The following KCNQ1 variants were observed in gnomAD, a reference collection of about 807,000 sequenced individuals.
KCNQ1 encodes potassium voltage-gated channel subfamily Q member 1.
Under a neutral mutation model 72.4 loss-of-function variants are expected in KCNQ1, and 49 were observed. That is an observed-to-expected ratio of 0.68 (90% CI 0.54 to 0.86). The LOEUF is 0.86. KCNQ1 is among the 40% of genes least tolerant of loss of function. The pLI, the probability that KCNQ1 is intolerant of heterozygous loss-of-function variation, is 0.00. For missense variants in KCNQ1, 790 were observed against 945.1 expected, an observed-to-expected ratio of 0.84 and a Z score of 2.15; for synonymous variants, 450 against 412.6, an observed-to-expected ratio of 1.09 and a Z score of -1.10.
rs568306051 is a variant in KCNQ1, at chr11:2,665,384, AC to A, written c.1514+3307del. On this transcript the variant is annotated intron_variant, in intron 11 of 15. Transcript: ENST00000155840. ...ACCCCCATGACAAGAGGAGCCCTGT[AC>A]CCCAAGAGCCAGGATGAGTTCCTGG... is the stretch of plus-strand genomic sequence containing the variant. 1.5e-3 allele frequency: 610 copies of A among 397,932 alleles called. 1 individual carries two copies. Among genetic ancestry groups the A allele is most frequent in the Non-Finnish European group, 2.0e-3 (441 of 225,946 alleles). 24.7% of individuals were successfully genotyped at this position (397,932 alleles called of 1,614,324 possible). A position where few individuals can be genotyped will look rare whatever the true frequency, so the allele number is the denominator to read the frequency against.
At chr11:2,760,967 T>C (rs1441583183) in intron 11 of KCNQ1, among the ~76,000 whole-genome samples, 1 of 152,212 alleles carries the variant, frequency 6.6e-6, no homozygotes, top group Non-Finnish European at 1.5e-5. Context: ...TAGCCGTCCA[T>C]AGACAGCTTG....
At chr11:2,499,520 A>ACCT (rs1846974377) in intron 1 of KCNQ1, among the ~76,000 whole-genome samples, 1 of 131,380 alleles carries the variant, frequency 7.6e-6, no homozygotes, top group African/African-American at 2.6e-5. Flanking sequence ...GGTTGAATGG[A>ACCT]CCCCTGCCCC....
At chr11:2,776,388 C>T (rs1846702556) in intron 13 of KCNQ1, among the ~76,000 whole-genome samples, 1 of 152,164 alleles carries the variant, frequency 6.6e-6, no homozygotes, top group South Asian at 2.1e-4. Context: ...CCCACAACTT[C>T]AGGACACTCG....
chr11:2,777,732 A>T (rs1846735679), intron 14 of KCNQ1: 2 of 608,664 alleles, frequency 3.3e-6, no homozygotes, highest in Non-Finnish European at 5.9e-6. Flanking sequence ...TAGGGCTCTC[A>T]GAGGTCAGAG....
chr11:2,463,801 A>T lies in KCNQ1; in HGVS notation c.386+18317A>T, dbSNP rs1380885823. Among the ~76,000 whole-genome samples the T allele has an allele frequency of 6.6e-6, 1 of 152,224 alleles. No homozygotes were observed. Among genetic ancestry groups the T allele is most frequent in the East Asian group, 1.9e-4 (1 of 5,194 alleles). On this transcript the variant is annotated intron_variant, in intron 1 of 15. Transcript: ENST00000155840. This position sits in a 1 kb window ranked among gnomAD's most constrained non-coding sequence, Gnocchi z 7.0. Reference sequence around the variant, plus strand: ...TGCCCTGCGAGGGGGTCAGCCCTGAAGCCGGATGGCCCGGCCCCCGCTACC... The same window carrying T: ...TGCCCTGCGAGGGGGTCAGCCCTGATGCCGGATGGCCCGGCCCCCGCTACC...
In KCNQ1 at chr11:2,620,989, G is replaced by GTTT. The variant is rs1473524091; in HGVS notation, c.1393+32139_1393+32141dup. ...TTTTTGCTTTTTTGTTTGTTTGTTT[G>GTTT]TTTTTTGAGAAAGAGTCTTGCTCTG... On this transcript the variant is annotated intron_variant, in intron 10 of 15. Coordinates refer to ENST00000155840, the MANE Select transcript of KCNQ1 (RefSeq NM_000218.3). This position sits in a 1 kb window ranked among gnomAD's most constrained non-coding sequence, Gnocchi z 4.5. The GTTT allele has an allele frequency of 5.2e-6, 2 of 387,038 alleles. No individual in the cohort carries two copies. Among genetic ancestry groups the GTTT allele is most frequent in the Non-Finnish European group, 9.0e-6 (2 of 221,664 alleles). 24.0% of individuals were successfully genotyped at this position (387,038 alleles called of 1,614,324 possible).
intron 10 of KCNQ1, among the ~76,000 whole-genome samples, chr11:2,605,855 C>A (rs993771795): frequency 6.6e-6 from 1 of 152,166 alleles, no homozygotes; most frequent in African/African-American, 2.4e-5. Flanking sequence ...GTTTGTAGAT[C>A]AGCACGATTC....
At chr11:2,460,643 C>A (rs911861511) in intron 1 of KCNQ1, among the ~76,000 whole-genome samples, 1 of 152,218 alleles carries the variant, frequency 6.6e-6, no homozygotes, top group Admixed American at 6.5e-5. Flanking sequence ...TTTGCATGGG[C>A]CCCTTTGCCA....
intron 1 of KCNQ1, among the ~76,000 whole-genome samples, chr11:2,512,174 G>A (rs1027550468): frequency 6.6e-6 from 1 of 152,170 alleles, no homozygotes; most frequent in Admixed American, 6.5e-5. Context: ...TGGGCCATAA[G>A]CTCGCTGAGC....
rs1156282188 is a variant in KCNQ1, at chr11:2,497,900, C to G, written c.387-30028C>G. ...TGTTGATTTTGTTGCTTTCTGTTTG[C>G]TAGCTTTTCTTCTAAGAGTCAAGCC... is the stretch of plus-strand genomic sequence containing the variant. On this transcript the variant is annotated intron_variant, in intron 1 of 15. Coordinates refer to ENST00000155840, the MANE Select transcript of KCNQ1 (RefSeq NM_000218.3). The surrounding 1 kb of genome is among the most constrained non-coding windows in gnomAD (Gnocchi z 4.5). 6.6e-6 allele frequency among the ~76,000 whole-genome samples: 1 copy of G among 152,142 alleles called. No individual in the cohort carries two copies. The highest frequency in any genetic ancestry group is 2.4e-5 in the African/African-American group (1 of 41,428).
At chr11:2,820,736 C>A (rs527267749) in intron 15 of KCNQ1, among the ~76,000 whole-genome samples, 1 of 152,204 alleles carries the variant, frequency 6.6e-6, no homozygotes, top group Non-Finnish European at 1.5e-5. Context: ...GCACATGTGT[C>A]CTCTCCTTAC....
In KCNQ1 at chr11:2,690,644, T is replaced by A. The variant is rs553233404; in HGVS notation, c.1514+28563T>A. ...TCATATATGTGTCAGAATGCGTATT[T>A]GTCAGTGTATGTGTGTCAGTGCACA... On this transcript the variant is annotated intron_variant, in intron 11 of 15. Transcript: ENST00000155840. This position sits in a 1 kb window ranked among gnomAD's most constrained non-coding sequence, Gnocchi z 5.1. The A allele has an allele frequency of 7.3e-5, 29 of 398,648 alleles. No homozygotes were observed. The highest frequency in any genetic ancestry group is 1.2e-4 in the Non-Finnish European group (27 of 226,076). 24.7% of individuals were successfully genotyped at this position (398,648 alleles called of 1,614,324 possible).
rs1488809295 is a variant in KCNQ1, at chr11:2,847,930, T to A, written c.1958T>A (p.Phe653Tyr). 6.3e-7 allele frequency: 1 copy of A among 1,575,470 alleles called. No homozygotes were observed. The highest frequency in any genetic ancestry group is 1.2e-5 in the South Asian group (1 of 86,308). ...GGCGGCTCCGTCGACCCTGAGCTCT[T>A]CCTGCCCAGCAACACCCTGCCCACC... ...GSGGSVDPEL[F>Y]LPSNTLPTYE... is the part of the protein sequence containing the mutation. The change falls in exon 16 of 16, where the codon TTC (phenylalanine) becomes TAC (tyrosine). Residue 653 changes from phenylalanine to tyrosine, a missense_variant. By Grantham distance (22) the Phe-to-Tyr change is conservative (BLOSUM62 3). Coordinates refer to ENST00000155840, the MANE Select transcript of KCNQ1 (RefSeq NM_000218.3).
rs1846115819 is a variant in KCNQ1, at chr11:2,451,270, G to A, written c.386+5786G>A. On this transcript the variant is annotated intron_variant, in intron 1 of 15. Transcript: ENST00000155840. This position sits in a 1 kb window ranked among gnomAD's most constrained non-coding sequence, Gnocchi z 6.4. ...ATCAGGTATTAGATTCTCATAAGAA[G>A]CGTGCAACCTAGATCCCTTGTGTGC... Among the ~76,000 whole-genome samples, 1 of 152,186 alleles carries A rather than the reference G, an allele frequency of 6.6e-6. No individual in the cohort carries two copies. The highest frequency in any genetic ancestry group is 2.1e-4 in the South Asian group (1 of 4,830).
In KCNQ1 at chr11:2,473,849, C is replaced by T. The variant is rs1002748953; in HGVS notation, c.386+28365C>T. 4.6e-5 allele frequency among the ~76,000 whole-genome samples: 7 copies of T among 152,198 alleles called. No homozygotes were observed. The highest frequency in any genetic ancestry group is 7.4e-5 in the Non-Finnish European group (5 of 68,012). ...CAGTGGCACCAGCTGGGCAGACAGCCGCATGCGCTCACCACTCGCCCTCCA... is the reference window on the plus strand; with the variant it reads ...CAGTGGCACCAGCTGGGCAGACAGCTGCATGCGCTCACCACTCGCCCTCCA... On this transcript the variant is annotated intron_variant, in intron 1 of 15. Coordinates refer to ENST00000155840, the MANE Select transcript of KCNQ1 (RefSeq NM_000218.3). The surrounding 1 kb of genome is among the most constrained non-coding windows in gnomAD (Gnocchi z 6.0).
chr11:2,768,163 C>T lies in KCNQ1; in HGVS notation c.1515-681C>T, dbSNP rs1846529625. ...GAAAGTCAGGCAGGCGTTAGCTTCA[C>T]TGCCAGGAGGGAATCTCCTGTGGCC... On this transcript the variant is annotated intron_variant, in intron 11 of 15. Coordinates refer to ENST00000155840, the MANE Select transcript of KCNQ1 (RefSeq NM_000218.3). The surrounding 1 kb of genome is among the most constrained non-coding windows in gnomAD (Gnocchi z 6.7). Among the ~76,000 whole-genome samples the T allele has an allele frequency of 6.6e-6, 1 of 152,278 alleles. No homozygotes were observed. Among genetic ancestry groups the T allele is most frequent in the Non-Finnish European group, 1.5e-5 (1 of 68,050 alleles).
chr11:2,619,466 T>C (rs971314932), intron 10 of KCNQ1: 2 of 398,526 alleles, frequency 5.0e-6, no homozygotes, highest in Non-Finnish European at 8.8e-6. Context: ...TAGTATCACA[T>C]TGATTGCTAC....
chr11:2,775,888 C>T (rs1197530411), intron 12 of KCNQ1, 72 bp from the exon 13 acceptor site: 17 of 1,447,720 alleles, frequency 1.2e-5, no homozygotes, highest in Middle Eastern at 1.7e-4. Flanking sequence ...CAGACACTGT[C>T]ACTGCCTGCA....
rs1399128843 is a variant in KCNQ1, at chr11:2,690,894, G to A, written c.1514+28813G>A. On this transcript the variant is annotated intron_variant, in intron 11 of 15. Coordinates refer to ENST00000155840, the MANE Select transcript of KCNQ1 (RefSeq NM_000218.3). The surrounding 1 kb of genome is among the most constrained non-coding windows in gnomAD (Gnocchi z 5.1). Reference sequence around the variant, plus strand: ...GGAGTGTAAGCCACTGTTTCCGTCTGGGTTTTGTCATGTGTAGGTCCCAGC... The same window carrying A: ...GGAGTGTAAGCCACTGTTTCCGTCTAGGTTTTGTCATGTGTAGGTCCCAGC... 5 of 398,634 alleles carry A rather than the reference G, an allele frequency of 1.3e-5. No homozygotes were observed. The East Asian group carries it at 1.8e-4, about 14-fold the overall frequency. 24.7% of individuals were successfully genotyped at this position (398,634 alleles called of 1,614,324 possible).
Sources: allele counts gnomAD v4.1 joint callset (sites outside exome capture counted in the v4.1 genomes callset), GRCh38; gene constraint gnomAD v4.1.1; non-coding constraint Gnocchi (gnomAD v3.1); transcripts MANE v1.5; gene names NCBI Gene and HGNC (gene_info 2026-07-23, HGNC 2026-07-21).